ALDH1A2: variants seen among roughly 807,000 people sequenced by gnomAD.
ALDH1A2 encodes retinal dehydrogenase 2.
In ALDH1A2, 27 loss-of-function variants were observed where a neutral mutation model predicts 60.3. The observed-to-expected ratio is 0.45, with a 90% CI of 0.33 to 0.62. The LOEUF (loss-of-function observed/expected upper bound fraction) is 0.62, where lower values mean the gene tolerates loss of function less well. Among genes scored for constraint, ALDH1A2 ranks in the 20% least tolerant of loss-of-function variants. The pLI is 0.02. For missense variants in ALDH1A2, 581 were observed against 643.8 expected, an observed-to-expected ratio of 0.90 and a Z score of 1.06; for synonymous variants, 289 against 232.4, an observed-to-expected ratio of 1.24 and a Z score of -2.21.
intron 1 of ALDH1A2, among the ~76,000 whole-genome samples, chr15:58,049,831 C>G (rs767281698): frequency 7.9e-5 from 12 of 152,144 alleles, no homozygotes; most frequent in Admixed American, 3.3e-4. Flanking sequence ...TTATGTACCC[C>G]CCTGTCTTGA....
intron 1 of ALDH1A2, among the ~76,000 whole-genome samples, chr15:58,048,181 A>G (rs986358120): frequency 1.3e-5 from 2 of 152,076 alleles, no homozygotes; most frequent in Non-Finnish European, 2.9e-5. Flanking sequence ...AAAAAAATGT[A>G]AAACTAAAGG....
chr15:58,001,121 C>G (rs1203312642), intron 4 of ALDH1A2, among the ~76,000 whole-genome samples: 5 of 148,602 alleles, frequency 3.4e-5, no homozygotes, highest in Admixed American at 6.7e-5. Context: ...ATTTTACACT[C>G]AAAACTCTCT....
intron 1 of ALDH1A2, among the ~76,000 whole-genome samples, chr15:58,022,162 G>T (rs1202463735): frequency 6.6e-6 from 1 of 152,084 alleles, no homozygotes; most frequent in African/African-American, 2.4e-5. Flanking sequence ...TCACCACTGT[G>T]GGGGCTGAAC....
chr15:58,041,817 T>C (rs1434536626), intron 1 of ALDH1A2, among the ~76,000 whole-genome samples: 1 of 151,964 alleles, frequency 6.6e-6, no homozygotes, highest in Non-Finnish European at 1.5e-5. Context: ...GGTATAGTAA[T>C]ACATACTATG....
chr15:57,993,885 C>T (rs181362137), intron 5 of ALDH1A2, among the ~76,000 whole-genome samples: 27 of 152,312 alleles, frequency 1.8e-4, no homozygotes, highest in Non-Finnish European at 2.9e-4. Context: ...AGCTGCCATC[C>T]TTCAAGGCTT....
intron 1 of ALDH1A2, among the ~76,000 whole-genome samples, chr15:58,039,245 A>C (rs1489411045): frequency 6.6e-6 from 1 of 150,930 alleles, no homozygotes; most frequent in Admixed American, 6.6e-5. Context: ...GCAAAGTCTC[A>C]GATTAGTTTT....
chr15:57,994,015 T>G (rs1894975265), intron 5 of ALDH1A2, among the ~76,000 whole-genome samples: 1 of 152,214 alleles, frequency 6.6e-6, no homozygotes, highest in South Asian at 2.1e-4. Flanking sequence ...TTTAATTCCA[T>G]CTACAGTGTA....
intron 1 of ALDH1A2, among the ~76,000 whole-genome samples, chr15:58,048,656 G>A (rs1008006928): frequency 4.6e-5 from 7 of 151,988 alleles, no homozygotes; most frequent in Admixed American, 2.0e-4. Context: ...TGCAGACCTA[G>A]TGTTCCATTT....
intron 4 of ALDH1A2, among the ~76,000 whole-genome samples, chr15:57,997,311 G>A (rs181204797): frequency 7.4e-4 from 113 of 152,036 alleles, no homozygotes; most frequent in African/African-American, 2.7e-3. Flanking sequence ...CTCTGAAAAG[G>A]TTTTTCATGA....
Position 58,013,897 on chromosome 15 carries a change from C to G in ALDH1A2, c.324G>C (p.Lys108Asn). The change falls in exon 3 of 13, where the codon AAG becomes AAC. Residue 108 changes from lysine to asparagine, a missense_variant. Coordinates refer to ENST00000249750, the MANE Select transcript of ALDH1A2 (RefSeq NM_003888.4). ...TGTCCCGTTCCACCAAGTCTGCAAG[C>G]TTATCCAACAGACGTCCCCTTTCTG... Reference protein sequence around the residue: ...DASERGRLLDKLADLVERDRA... With the variant: ...DASERGRLLDNLADLVERDRA... The G allele has an allele frequency of 6.2e-7, 1 of 1,614,188 alleles. No individual in the cohort carries two copies. Among genetic ancestry groups the G allele is most frequent in the South Asian group, 1.1e-5 (1 of 91,084 alleles).
At chr15:58,013,271 T>A (rs1895689207) in intron 3 of ALDH1A2, among the ~76,000 whole-genome samples, 1 of 152,204 alleles carries the variant, frequency 6.6e-6, no homozygotes, top group African/African-American at 2.4e-5. Flanking sequence ...ATAAGAATCA[T>A]TTGATACTCG....
intron 1 of ALDH1A2, among the ~76,000 whole-genome samples, chr15:58,050,813 T>A (rs1222936960): frequency 6.6e-6 from 1 of 152,212 alleles, no homozygotes; most frequent in Non-Finnish European, 1.5e-5. Flanking sequence ...AACTAGCATC[T>A]TCAGTTGAAT....
At chr15:58,060,376 C>T (rs1353781207) in intron 1 of ALDH1A2, among the ~76,000 whole-genome samples, 1 of 151,888 alleles carries the variant, frequency 6.6e-6, no homozygotes, top group Non-Finnish European at 1.5e-5. Context: ...GTCCTTTTAA[C>T]CCCATAAAGT....
At chr15:58,058,558 A>G (rs1312849160) in intron 1 of ALDH1A2, among the ~76,000 whole-genome samples, 1 of 151,788 alleles carries the variant, frequency 6.6e-6, no homozygotes, top group African/African-American at 2.4e-5. Context: ...AATAAAATAT[A>G]TTAAAATATA....
At position 57,954,281 on chromosome 15, in the gene ALDH1A2, T is replaced by C. The variant is rs1404334226; in HGVS notation, c.*916A>G. The C allele has an allele frequency of 5.9e-5, 9 of 152,564 alleles. No individual in the cohort carries two copies. The highest frequency in any genetic ancestry group is 2.2e-4 in the African/African-American group (9 of 41,466). The allele number at this position is 152,564 out of a possible 1,614,324, so 9.5% of individuals were successfully genotyped here. A position where few individuals can be genotyped will look rare whatever the true frequency, so the allele number is the denominator to read the frequency against. ...TCATTTAATAATAATTGTTGCCCAA[T>C]ATTAGAAACTGAATGATGTCTGCAA... is the stretch of plus-strand genomic sequence containing the variant. On this transcript the variant is annotated 3_prime_UTR_variant, in exon 13 of 13. Coordinates refer to ENST00000249750, the MANE Select transcript of ALDH1A2 (RefSeq NM_003888.4).
intron 3 of ALDH1A2, 33 bp downstream of exon 3, chr15:58,013,825 G>T (rs773052721): frequency 4.3e-6 from 7 of 1,613,828 alleles, no homozygotes; most frequent in Non-Finnish European, 3.4e-6. Context: ...GCAAATGTGG[G>T]TTAAAGACTT....
At chr15:58,029,400 T>C (rs1896170118) in intron 1 of ALDH1A2, among the ~76,000 whole-genome samples, 1 of 152,112 alleles carries the variant, frequency 6.6e-6, no homozygotes, top group African/African-American at 2.4e-5. Flanking sequence ...AAGCAGTGTG[T>C]AGAGGGAAAT....
intron 1 of ALDH1A2, among the ~76,000 whole-genome samples, chr15:58,046,785 T>A (rs1896649653): frequency 6.6e-6 from 1 of 152,034 alleles, no homozygotes. Flanking sequence ...TTCCCCCACA[T>A]CTTAACAGCA....
chr15:57,966,076 C>A (rs1356858254), intron 7 of ALDH1A2, among the ~76,000 whole-genome samples: 5 of 152,230 alleles, frequency 3.3e-5, no homozygotes, highest in Non-Finnish European at 7.3e-5. Flanking sequence ...GGAGTTAAAT[C>A]TGGAATCTTA....
Sources: allele counts gnomAD v4.1 joint callset (sites outside exome capture counted in the v4.1 genomes callset), GRCh38; gene constraint gnomAD v4.1.1; transcripts MANE v1.5; gene names NCBI Gene and HGNC (gene_info 2026-07-23, HGNC 2026-07-21).